Variants in NOL4 observed in about 807,000 individuals in gnomAD.
NOL4 encodes the protein cancer/testis antigen 125.
A neutral mutation model predicts 75.9 loss-of-function variants in NOL4; 17 were observed. The observed-to-expected ratio is 0.22, with a 90% CI of 0.15 to 0.34. NOL4 has a LOEUF of 0.34. NOL4 is among the 10% of genes least tolerant of loss of function. NOL4 has a pLI of 1.00. For synonymous variants in NOL4, 292 were observed against 289.9 expected (o/e 1.01, Z -0.07); for missense variants, 614 against 793.5 (o/e 0.77, Z 2.72).
chr18:33,970,705 AACTT>A (rs1379475234), intron 6 of NOL4, among the ~76,000 whole-genome samples: 22 of 151,888 alleles, frequency 1.4e-4, no homozygotes, highest in South Asian at 4.2e-4. Context: ...GTTACTGGAA[AACTT>A]ACTTCTTCAA....
chr18:33,884,278 CTT>C (rs1384030044), intron 9 of NOL4, among the ~76,000 whole-genome samples: 2 of 151,908 alleles, frequency 1.3e-5, no homozygotes, highest in Non-Finnish European at 2.9e-5. Flanking sequence ...GTGTGTGTGT[CTT>C]TCTCTTTTTA....
At chr18:33,915,351 AG>A (rs2066650158) in intron 9 of NOL4, among the ~76,000 whole-genome samples, 1 of 152,164 alleles carries the variant, frequency 6.6e-6, no homozygotes, top group Non-Finnish European at 1.5e-5. Context: ...ACTGTTGTAA[AG>A]GGAAAGAGAA....
chr18:34,214,300 AC>A (rs879897646), intron 1 of NOL4, among the ~76,000 whole-genome samples: 9,362 of 151,956 alleles, frequency 0.062, 482 homozygotes, highest in Admixed American at 0.12. Context: ...ATATATTTGT[AC>A]TTTTAAATAT....
At position 33,978,578 on chromosome 18, in the gene NOL4, GGTTT is replaced by G. The variant is rs148044679; in HGVS notation, c.1057-20164_1057-20161del. Among the ~76,000 whole-genome samples, 339 of 152,102 alleles carry G rather than the reference GGTTT, an allele frequency of 2.2e-3. 2 individuals carry two copies. Among genetic ancestry groups the G allele is most frequent in the African/African-American group, 7.8e-3 (324 of 41,518 alleles). On this transcript the variant is annotated intron_variant, in intron 6 of 10. Coordinates refer to ENST00000261592, the MANE Select transcript of NOL4 (RefSeq NM_003787.5). Reference sequence around the variant, plus strand: ...CAAAGCAAGCACCCAAGATATTCTGGGTTTGTTTATTAAGTATTAATTTAGATGT... The same window carrying G: ...CAAAGCAAGCACCCAAGATATTCTGGGTTTATTAAGTATTAATTTAGATGT...
chr18:34,005,277 T>C (rs1031712199), intron 6 of NOL4, among the ~76,000 whole-genome samples: 1 of 152,058 alleles, frequency 6.6e-6, no homozygotes, highest in East Asian at 1.9e-4. Flanking sequence ...TCTGCATCCT[T>C]CAAAATGATC....
chr18:34,190,686 A>G (rs2034848607), intron 1 of NOL4, among the ~76,000 whole-genome samples: 2 of 151,730 alleles, frequency 1.3e-5, no homozygotes, highest in South Asian at 4.1e-4. Flanking sequence ...ACAGCAAATG[A>G]AATGTTAGGT....
At chr18:33,918,013 C>T (rs2066826220) in intron 9 of NOL4, among the ~76,000 whole-genome samples, 2 of 152,124 alleles carry the variant, frequency 1.3e-5, no homozygotes, top group South Asian at 4.2e-4. Context: ...GTACAAACAT[C>T]TTATTCTAGT....
At chr18:34,066,068 ATTGAT>A (rs1471204932) in intron 5 of NOL4, among the ~76,000 whole-genome samples, 1 of 151,918 alleles carries the variant, frequency 6.6e-6, no homozygotes, top group Non-Finnish European at 1.5e-5. Context: ...GGTTCACAGG[ATTGAT>A]TTGAAGTATA....
At chr18:34,138,135 G>C (rs1252577658) in intron 1 of NOL4, among the ~76,000 whole-genome samples, 4 of 152,168 alleles carry the variant, frequency 2.6e-5, no homozygotes, top group Non-Finnish European at 5.9e-5. Context: ...AATAGGGCCA[G>C]ATGTGGTGGC....
chr18:34,145,724 AAG>A (rs2081370240), intron 1 of NOL4, among the ~76,000 whole-genome samples: 3 of 152,186 alleles, frequency 2.0e-5, no homozygotes, highest in Admixed American at 1.3e-4. Context: ...AGTAGCATAA[AAG>A]AAAAACTAAC....
intron 5 of NOL4, among the ~76,000 whole-genome samples, chr18:34,068,692 T>C (rs1455463619): frequency 2.0e-5 from 3 of 152,170 alleles, no homozygotes; most frequent in Admixed American, 2.0e-4. Context: ...CCACCGCGCC[T>C]GGCAGAGAAT....
intron 1 of NOL4, among the ~76,000 whole-genome samples, chr18:34,165,273 A>C (rs1176310152): frequency 6.7e-6 from 1 of 148,818 alleles, no homozygotes; most frequent in Non-Finnish European, 1.5e-5. Flanking sequence ...AAGACTGTGT[A>C]TAGACTAGTG....
chr18:34,146,343 G>A (rs1165228055), intron 1 of NOL4, among the ~76,000 whole-genome samples: 1 of 151,962 alleles, frequency 6.6e-6, no homozygotes, highest in Non-Finnish European at 1.5e-5. Context: ...TTTCTTCTAG[G>A]GTTTTCATGG....
rs151145492 is a variant in NOL4 at position 33,933,865 on chromosome 18, G to A, written c.1542+9200C>T. On this transcript the variant is annotated intron_variant, in intron 9 of 10. Transcript: ENST00000261592. ...CTATTTTGACCTCCTCCCATGAATC[G>A]TGAATATTCTTAATGGCATCTAGAA... 7.8e-4 allele frequency among the ~76,000 whole-genome samples: 119 copies of A among 152,098 alleles called. 1 individual carries two copies. The Middle Eastern group carries it at 0.01, about 13-fold the overall frequency.
At chr18:34,131,882 A>G (rs1038104671) in intron 1 of NOL4, among the ~76,000 whole-genome samples, 3 of 152,208 alleles carry the variant, frequency 2.0e-5, no homozygotes, top group Admixed American at 6.5e-5. Context: ...TTTAATGCAG[A>G]AAATAGGTAT....
chr18:34,133,637 A>G (rs2080762376), intron 1 of NOL4, among the ~76,000 whole-genome samples: 1 of 152,178 alleles, frequency 6.6e-6, no homozygotes, highest in Non-Finnish European at 1.5e-5. Context: ...GAAAAGGGGC[A>G]GAAACAAAGG....
intron 5 of NOL4, among the ~76,000 whole-genome samples, chr18:34,091,205 A>C (rs1371572322): frequency 6.6e-6 from 1 of 151,318 alleles, no homozygotes. Flanking sequence ...CAAAAAAAAA[A>C]AAAAAAAATT....
intron 6 of NOL4, among the ~76,000 whole-genome samples, chr18:33,966,976 C>G (rs1483781094): frequency 6.6e-6 from 1 of 152,162 alleles, no homozygotes; most frequent in African/African-American, 2.4e-5. Flanking sequence ...TTAGATAAAT[C>G]TATTCTAAAA....
rs577284414 is a variant in NOL4, at chr18:33,881,438, T to C, written c.1723+1806A>G. On this transcript the variant is annotated intron_variant, in intron 10 of 10. Transcript: ENST00000261592. Reference sequence around the variant, plus strand: ...GTGGTGAGAGAGGGCATCCCTGTCTTGTGCCAGTTTTCAAAGGGAATGCTT... The same window carrying C: ...GTGGTGAGAGAGGGCATCCCTGTCTCGTGCCAGTTTTCAAAGGGAATGCTT... Among the ~76,000 whole-genome samples, 6 of 151,476 alleles carry C rather than the reference T, an allele frequency of 4.0e-5. No individual in the cohort carries two copies. The East Asian group carries it at 9.7e-4, about 25-fold the overall frequency.
Sources: gnomAD v4.1 joint callset for allele counts (sites outside exome capture counted in the v4.1 genomes callset) on GRCh38, gnomAD v4.1.1 for gene constraint, MANE v1.5 for transcripts, NCBI Gene and HGNC (gene_info 2026-07-23, HGNC 2026-07-21) for gene names.